Variants in ROBO1 observed in about 807,000 individuals in gnomAD.
The protein encoded by ROBO1 is roundabout homolog 1.
Under a neutral mutation model 195.9 loss-of-function variants are expected in ROBO1, and 149 were observed. That is an observed-to-expected ratio of 0.76 (90% CI 0.67 to 0.87). ROBO1 has a LOEUF of 0.87. Among genes scored for constraint, ROBO1 ranks in the 40% least tolerant of loss-of-function variants. The probability of loss-of-function intolerance (pLI) is 0.00; values close to 1 mark genes in which losing one functional copy is unlikely to be tolerated. For missense variants in ROBO1, 1,933 were observed against 2,068.3 expected, an observed-to-expected ratio of 0.93 and a Z score of 1.27; for synonymous variants, 816 against 733.2, an observed-to-expected ratio of 1.11 and a Z score of -1.82.
chr3:79,227,326 G>A (rs1013527241), intron 2 of ROBO1, among the ~76,000 whole-genome samples: 1 of 151,958 alleles, frequency 6.6e-6, no homozygotes, highest in Non-Finnish European at 1.5e-5. Context: ...CTTGCTCTAC[G>A]GTCTTCCTAG....
At chr3:78,818,947 A>G (rs1434338247) in intron 4 of ROBO1, among the ~76,000 whole-genome samples, 1 of 152,054 alleles carries the variant, frequency 6.6e-6, no homozygotes, top group Non-Finnish European at 1.5e-5. Flanking sequence ...GTTATTGTTA[A>G]TCTCTTCTTA....
intron 2 of ROBO1, among the ~76,000 whole-genome samples, chr3:79,496,666 C>A (rs967718139): frequency 1.3e-5 from 2 of 150,210 alleles, no homozygotes; most frequent in African/African-American, 4.9e-5. Context: ...GGATTACAGG[C>A]GTGAGCCACC....
chr3:78,961,309 G>A (rs2041334999), intron 3 of ROBO1, among the ~76,000 whole-genome samples: 1 of 152,170 alleles, frequency 6.6e-6, no homozygotes, highest in Non-Finnish European at 1.5e-5. Context: ...TAAGATGCAA[G>A]GAGATGGTCA....
At chr3:79,123,392 AC>A (rs1336921968) in intron 3 of ROBO1, among the ~76,000 whole-genome samples, 1 of 152,030 alleles carries the variant, frequency 6.6e-6, no homozygotes, top group African/African-American at 2.4e-5. Context: ...AATATTTTTA[AC>A]TATTACTCCT....
intron 2 of ROBO1, among the ~76,000 whole-genome samples, chr3:79,393,528 T>C (rs2037031597): frequency 6.6e-6 from 1 of 152,234 alleles, no homozygotes; most frequent in Admixed American, 6.5e-5. Context: ...CTTCTACCTC[T>C]GATTCCACAT....
intron 3 of ROBO1, among the ~76,000 whole-genome samples, chr3:78,990,186 C>T (rs180889733): frequency 2.2e-4 from 33 of 152,246 alleles, no homozygotes; most frequent in Admixed American, 9.8e-4. Flanking sequence ...GATTTTGTTT[C>T]CCCCTTGGTG....
At chr3:79,028,743 C>T (rs2078244677) in intron 3 of ROBO1, among the ~76,000 whole-genome samples, 2 of 151,920 alleles carry the variant, frequency 1.3e-5, no homozygotes, top group Non-Finnish European at 2.9e-5. Flanking sequence ...AACCGTGAGA[C>T]AAATATTAAC....
At chr3:79,050,651 A>C (rs186974412) in intron 3 of ROBO1, among the ~76,000 whole-genome samples, 5 of 152,290 alleles carry the variant, frequency 3.3e-5, no homozygotes, top group African/African-American at 1.2e-4. Context: ...TTGACCATAT[A>C]ATTGGAAGTA....
intron 2 of ROBO1, among the ~76,000 whole-genome samples, chr3:79,486,988 C>T (rs759278203): frequency 2.6e-5 from 4 of 152,082 alleles, no homozygotes; most frequent in Non-Finnish European, 5.9e-5. Flanking sequence ...CCTTTATCTG[C>T]CATTTGTTTC....
At chr3:79,402,273 A>G (rs1282843487) in intron 2 of ROBO1, among the ~76,000 whole-genome samples, 1 of 151,878 alleles carries the variant, frequency 6.6e-6, no homozygotes, top group African/African-American at 2.4e-5. Context: ...TCTTTTATCA[A>G]CCTGCCTGTT....
chr3:79,183,917 G>T (rs1336384503), intron 2 of ROBO1, among the ~76,000 whole-genome samples: 1 of 152,220 alleles, frequency 6.6e-6, no homozygotes, highest in Non-Finnish European at 1.5e-5. Flanking sequence ...AAGGGAAGTT[G>T]TCAATAAATA....
At chr3:78,679,068 C>T (rs1428387749) in intron 10 of ROBO1, among the ~76,000 whole-genome samples, 3 of 152,138 alleles carry the variant, frequency 2.0e-5, no homozygotes, top group Non-Finnish European at 4.4e-5. Context: ...GAACCAAAGA[C>T]AAAAACCACA....
intron 2 of ROBO1, among the ~76,000 whole-genome samples, chr3:79,469,846 TA>T (rs374531721): frequency 0.013 from 1,948 of 151,068 alleles, 37 homozygotes; most frequent in African/African-American, 0.043. Flanking sequence ...TTATACAGGT[TA>T]AAAAAAAAGT....
intron 3 of ROBO1, among the ~76,000 whole-genome samples, chr3:79,020,995 T>G (rs974246270): frequency 7.0e-4 from 107 of 152,260 alleles, no homozygotes; most frequent in African/African-American, 2.3e-3. Context: ...AAAAGCAAAT[T>G]GTACATTGAT....
At chr3:79,085,966 C>A (rs904341630) in intron 3 of ROBO1, among the ~76,000 whole-genome samples, 4 of 152,152 alleles carry the variant, frequency 2.6e-5, no homozygotes. Context: ...TTAATAACTT[C>A]TCTGTTTGTT....
intron 2 of ROBO1, among the ~76,000 whole-genome samples, chr3:79,212,130 G>A (rs1387022541): frequency 2.6e-5 from 4 of 152,170 alleles, no homozygotes; most frequent in Non-Finnish European, 5.9e-5. Flanking sequence ...CAGTTTTCCC[G>A]CCCTGGGTGG....
intron 28 of ROBO1, among the ~76,000 whole-genome samples, chr3:78,608,654 G>A (rs1422967307): frequency 6.6e-6 from 1 of 152,148 alleles, no homozygotes; most frequent in Non-Finnish European, 1.5e-5. Flanking sequence ...GAGGTCAAGA[G>A]ATTATTATAA....
intron 2 of ROBO1, among the ~76,000 whole-genome samples, chr3:79,575,141 AATATATAAAT>A (rs1943412929): frequency 2.3e-5 from 2 of 87,320 alleles, no homozygotes; most frequent in South Asian, 3.4e-4. Flanking sequence ...ATATATAACA[AATATATAAAT>A]ATATATATAA....
intron 4 of ROBO1, among the ~76,000 whole-genome samples, chr3:78,760,868 C>G (rs967131860): frequency 1.3e-5 from 2 of 152,054 alleles, no homozygotes; most frequent in Non-Finnish European, 2.9e-5. Flanking sequence ...TCTTGAACTC[C>G]TAGCCTCAAG....
Sources: allele counts gnomAD v4.1 joint callset (sites outside exome capture counted in the v4.1 genomes callset), GRCh38; gene constraint gnomAD v4.1.1; transcripts MANE v1.5; gene names NCBI Gene and HGNC (gene_info 2026-07-23, HGNC 2026-07-21).